The following SEZ6L variants were observed in gnomAD, a reference collection of about 807,000 sequenced individuals.
SEZ6L encodes the protein seizure related 6 homolog like, also known as seizure 6-like protein.
SEZ6L carries 37 observed loss-of-function variants against 106.2 expected under a neutral mutation model. The observed-to-expected ratio is 0.35, with a 90% CI of 0.27 to 0.46. SEZ6L has a LOEUF of 0.46. SEZ6L is among the 20% of genes least tolerant of loss of function. The pLI is 1.00. For synonymous variants in SEZ6L, 541 were observed against 570.4 expected, an observed-to-expected ratio of 0.95 and a Z score of 0.73; for missense variants, 1,172 against 1,332.8, an observed-to-expected ratio of 0.88 and a Z score of 1.88.
At chr22:26,286,745 CTT>C (rs137200) in intron 1 of SEZ6L, among the ~76,000 whole-genome samples, 1,824 of 118,588 alleles carry the variant, frequency 0.015, 19 homozygotes, top group Middle Eastern at 0.075. Flanking sequence ...AGAGCTTGTG[CTT>C]TTTTTTTTTT....
At chr22:26,202,095 T>C (rs1467828282) in intron 1 of SEZ6L, among the ~76,000 whole-genome samples, 2 of 152,098 alleles carry the variant, frequency 1.3e-5, no homozygotes, top group Non-Finnish European at 2.9e-5. Context: ...TTTGTATTTT[T>C]AGTAGAGACG....
intron 1 of SEZ6L, chr22:26,254,214 A>C (rs1360335030): frequency 1.3e-5 from 2 of 152,232 alleles, no homozygotes; most frequent in African/African-American, 4.8e-5. Flanking sequence ...TAGAGCGGTA[A>C]AACTGTTCAT....
At chr22:26,322,732 G>C (rs931805835) in intron 9 of SEZ6L, among the ~76,000 whole-genome samples, 1 of 152,172 alleles carries the variant, frequency 6.6e-6, no homozygotes, top group African/African-American at 2.4e-5. Flanking sequence ...AGGAAAGAAG[G>C]AGGTTGCACC....
At chr22:26,320,284 C>G (rs1413941251) in intron 9 of SEZ6L, among the ~76,000 whole-genome samples, 1 of 151,984 alleles carries the variant, frequency 6.6e-6, no homozygotes, top group African/African-American at 2.4e-5. Context: ...GTATCATTCT[C>G]CCGGGTGTTC....
chr22:26,200,567 G>A (rs1349289275), intron 1 of SEZ6L, among the ~76,000 whole-genome samples: 1 of 152,206 alleles, frequency 6.6e-6, no homozygotes, highest in African/African-American at 2.4e-5. Flanking sequence ...TATGTGAGAA[G>A]GGGTGGAAGG....
chr22:26,298,335 A>C (rs2081358594), intron 4 of SEZ6L, among the ~76,000 whole-genome samples: 1 of 152,138 alleles, frequency 6.6e-6, no homozygotes, highest in South Asian at 2.1e-4. Context: ...TCTTATGAAA[A>C]CTGAGGAATT....
At position 26,375,607 on chromosome 22, in the gene SEZ6L, G is replaced by T. The variant is rs532638980; in HGVS notation, c.2860G>T (p.Gly954Trp). 1.2e-6 allele frequency: 2 copies of T among 1,614,120 alleles called. No individual in the cohort carries two copies. The highest frequency in any genetic ancestry group is 2.2e-5 in the East Asian group (1 of 44,870). Residue 954 changes from glycine (G) to tryptophan (W), a missense_variant, in exon 15 of 17, where the codon GGG becomes TGG. Gly to Trp is a radical substitution (Grantham distance 184). Around this residue, in one of 4 missense-constraint regions of SEZ6L, gnomAD observed 141 missense variants for 176.0 expected, o/e 0.80. Transcript: ENST00000248933. Reference protein sequence around the residue: ...AEAAAETSLEGGNMALAIFIP... With the variant: ...AEAAAETSLEWGNMALAIFIP... The stretch of plus-strand genomic sequence containing the variant: ...AGCGGCAGCAGAGACGTCGCTGGAA[G>T]GGGGGAACATGGCCCTGGCTATCTT...
At chr22:26,233,946 G>A (rs528704351) in intron 1 of SEZ6L, among the ~76,000 whole-genome samples, 7 of 152,302 alleles carry the variant, frequency 4.6e-5, no homozygotes, top group East Asian at 3.9e-4. Context: ...ATGGAGGACC[G>A]GGCTCACCCA....
At chr22:26,284,127 A>G (rs1400602081) in intron 1 of SEZ6L, among the ~76,000 whole-genome samples, 1 of 152,210 alleles carries the variant, frequency 6.6e-6, no homozygotes, top group South Asian at 2.1e-4. Context: ...AAACCCCACC[A>G]TACAGATGAG....
At chr22:26,274,131 T>C (rs1216551276) in intron 1 of SEZ6L, among the ~76,000 whole-genome samples, 1 of 152,214 alleles carries the variant, frequency 6.6e-6, no homozygotes, top group Non-Finnish European at 1.5e-5. Flanking sequence ...CTGCCATCTA[T>C]AATCTATATT....
intron 1 of SEZ6L, among the ~76,000 whole-genome samples, chr22:26,188,196 A>G (rs1788529813): frequency 6.6e-6 from 1 of 152,228 alleles, no homozygotes; most frequent in South Asian, 2.1e-4. Context: ...AGTTAGGGGC[A>G]TCGCATTGGA....
intron 4 of SEZ6L, among the ~76,000 whole-genome samples, 181 bp downstream of exon 4, chr22:26,297,261 G>A (rs137211): frequency 0.091 from 13,845 of 152,126 alleles, 954 homozygotes; most frequent in African/African-American, 0.19. Context: ...TAAAGAAAAC[G>A]GTATTACTGA....
At chr22:26,170,485 G>A (rs1483326965) in intron 1 of SEZ6L, among the ~76,000 whole-genome samples, 2 of 151,594 alleles carry the variant, frequency 1.3e-5, no homozygotes, top group African/African-American at 4.9e-5. Context: ...GGAATGGGGG[G>A]TGAGGGGTGT....
At chr22:26,269,647 T>C (rs1296493779) in intron 1 of SEZ6L, among the ~76,000 whole-genome samples, 1 of 152,212 alleles carries the variant, frequency 6.6e-6, no homozygotes, top group Non-Finnish European at 1.5e-5. Flanking sequence ...GCTGCTAACG[T>C]CTCCCAGTCT....
rs55957913 is a variant in SEZ6L at position 26,299,201 on chromosome 22, A to G, written c.1348+32A>G. 5.5e-4 allele frequency: 750 copies of G among 1,355,620 alleles called. 2 individuals are homozygous for G. The highest frequency in any genetic ancestry group is 6.8e-4 in the Non-Finnish European group (713 of 1,044,650). 84.0% of individuals were successfully genotyped at this position (1,355,620 alleles called of 1,614,324 possible). ...TCCAGCCTCAGCCGGACCAAACCTG[A>G]TGGTCCAACTAAGAGGGGAAAGACC... On this transcript the variant is annotated intron_variant, in intron 5 of 16. Transcript: ENST00000248933.
intron 1 of SEZ6L, among the ~76,000 whole-genome samples, chr22:26,190,975 A>G (rs1257432941): frequency 6.6e-6 from 1 of 152,212 alleles, no homozygotes; most frequent in Non-Finnish European, 1.5e-5. Context: ...ACTGCCATTT[A>G]CTACCTTACC....
intron 1 of SEZ6L, among the ~76,000 whole-genome samples, chr22:26,172,504 A>T (rs1022648141): frequency 6.6e-6 from 1 of 152,192 alleles, no homozygotes; most frequent in Non-Finnish European, 1.5e-5. Flanking sequence ...AGCTGTTCAA[A>T]TGAGCTCGAT....
intron 5 of SEZ6L, 82 bp downstream of exon 5, chr22:26,299,251 C>A: frequency 8.5e-7 from 1 of 1,173,728 alleles, no homozygotes; most frequent in Non-Finnish European, 1.1e-6. Flanking sequence ...CGAGAGTGAC[C>A]TCAGGGAATG....
At chr22:26,177,190 T>C (rs928367024) in intron 1 of SEZ6L, among the ~76,000 whole-genome samples, 4 of 152,196 alleles carry the variant, frequency 2.6e-5, no homozygotes, top group African/African-American at 9.6e-5. Context: ...TAAACCTTGA[T>C]TTTTTATCTG....
Sources: allele counts gnomAD v4.1 joint callset (sites outside exome capture counted in the v4.1 genomes callset), GRCh38; gene constraint gnomAD v4.1.1; regional missense constraint gnomAD v4.1.1; transcripts MANE v1.5; gene names NCBI Gene and HGNC (gene_info 2026-07-23, HGNC 2026-07-21).